The following RFX3 variants were observed in gnomAD, a reference collection of about 807,000 sequenced individuals.
RFX3 encodes regulatory factor X3, also known as transcription factor RFX3.
In RFX3, 14 loss-of-function variants were observed where a neutral mutation model predicts 98.6. That is an observed-to-expected ratio of 0.14 (90% CI 0.09 to 0.22). The LOEUF is 0.22. Ranked by LOEUF, RFX3 falls within the 10% of genes least tolerant of loss-of-function variation. RFX3 has a pLI of 1.00. For synonymous variants in RFX3, 383 were observed against 328.4 expected (o/e 1.17, Z -1.80); for missense variants, 639 against 926.9 (o/e 0.69, Z 4.03).
chr9:3,303,566 G>A (rs1243743213), intron 4 of RFX3, among the ~76,000 whole-genome samples: 1 of 151,608 alleles, frequency 6.6e-6, no homozygotes, highest in Non-Finnish European at 1.5e-5. Flanking sequence ...TAATTGCTGA[G>A]CAACACTAAA....
At chr9:3,315,162 A>ATT (rs1374628310) in intron 4 of RFX3, among the ~76,000 whole-genome samples, 1 of 152,214 alleles carries the variant, frequency 6.6e-6, no homozygotes, top group Non-Finnish European at 1.5e-5. Flanking sequence ...AACAGAAATT[A>ATT]TAACAAACTG....
chr9:3,428,647 A>T lies in RFX3; in HGVS notation c.-8-33051T>A, dbSNP rs1033875026. Among the ~76,000 whole-genome samples, 8 of 152,172 alleles carry T rather than the reference A, an allele frequency of 5.3e-5. No individual in the cohort carries two copies. In the East Asian group the frequency reaches 1.5e-3, roughly 29 times the overall value. Reference sequence around the variant, plus strand: ...CTGAATTCTCATTTCCCAATTTTTGAAGTTAGTCTGATCTCACTGCCACAC... The same window carrying T: ...CTGAATTCTCATTTCCCAATTTTTGTAGTTAGTCTGATCTCACTGCCACAC... On this transcript the variant is annotated intron_variant, in intron 1 of 16. Coordinates refer to ENST00000617270, the MANE Select transcript of RFX3 (RefSeq NM_001282116.2).
intron 1 of RFX3, among the ~76,000 whole-genome samples, chr9:3,413,196 T>C (rs1271029390): frequency 6.6e-6 from 1 of 151,956 alleles, no homozygotes; most frequent in African/African-American, 2.4e-5. Context: ...ATTTCCCAAA[T>C]AGAAACATCA....
intron 1 of RFX3, among the ~76,000 whole-genome samples, chr9:3,510,728 A>T (rs1817589129): frequency 6.6e-6 from 1 of 152,068 alleles, no homozygotes; most frequent in South Asian, 2.1e-4. Flanking sequence ...TATTTCTGAA[A>T]ATAACATGTA....
intron 1 of RFX3, chr9:3,490,179 T>C (rs542982442): frequency 1.6e-4 from 44 of 283,154 alleles, no homozygotes; most frequent in Non-Finnish European, 2.1e-4. Context: ...AAATTACTAT[T>C]GAAAAAATTC....
At chr9:3,453,818 T>C (rs1348333575) in intron 1 of RFX3, 1 of 151,850 alleles carries the variant, frequency 6.6e-6, no homozygotes, top group African/African-American at 2.4e-5. Flanking sequence ...ACAGTTGAAA[T>C]TGTCTTTGGC....
chr9:3,481,653 T>C (rs754662075), intron 1 of RFX3, among the ~76,000 whole-genome samples: 6 of 151,894 alleles, frequency 4.0e-5, no homozygotes, highest in Non-Finnish European at 7.4e-5. Context: ...AGGTGCATTA[T>C]GGATCACAAA....
At chr9:3,255,429 C>G (rs1821997078) in intron 14 of RFX3, among the ~76,000 whole-genome samples, 1 of 152,210 alleles carries the variant, frequency 6.6e-6, no homozygotes, top group Non-Finnish European at 1.5e-5. Context: ...GTAGCCACAG[C>G]TACAGTCAGG....
chr9:3,307,078 T>A (rs1291384840), intron 4 of RFX3, among the ~76,000 whole-genome samples: 1 of 152,238 alleles, frequency 6.6e-6, no homozygotes, highest in South Asian at 2.1e-4. Context: ...AGCTCTCTTT[T>A]TGCCTGCCAC....
intron 2 of RFX3, among the ~76,000 whole-genome samples, chr9:3,380,455 C>T (rs116750271): frequency 0.019 from 2,873 of 152,204 alleles, 67 homozygotes; most frequent in African/African-American, 0.048. Context: ...CATATCACAG[C>T]ACCAAACAGG....
intron 4 of RFX3, among the ~76,000 whole-genome samples, chr9:3,320,936 C>G (rs1831225921): frequency 6.6e-6 from 1 of 151,708 alleles, no homozygotes; most frequent in South Asian, 2.1e-4. Context: ...GACAGAGTCT[C>G]TGTTGCCTAG....
chr9:3,359,022 G>C (rs1158518139), intron 2 of RFX3, among the ~76,000 whole-genome samples: 1 of 151,588 alleles, frequency 6.6e-6, no homozygotes, highest in Non-Finnish European at 1.5e-5. Context: ...GATTTGAGTA[G>C]GGACACAGAG....
At chr9:3,301,922 T>A (rs1828708474) in intron 4 of RFX3, among the ~76,000 whole-genome samples, 1 of 151,902 alleles carries the variant, frequency 6.6e-6, no homozygotes, top group Non-Finnish European at 1.5e-5. Context: ...GAATAAACAT[T>A]CTTGACTTTC....
Position 3,301,591 on chromosome 9 carries a change from C to T in RFX3, c.504G>A (p.Lys168=), listed in dbSNP as rs187801770. 6.9e-6 allele frequency: 11 copies of T among 1,602,442 alleles called. No homozygotes were observed. The highest frequency in any genetic ancestry group is 1.7e-4 in the Middle Eastern group (1 of 5,994). Residue 168 remains lysine, a synonymous_variant, in exon 5 of 17, where the codon AAG becomes AAA. Transcript: ENST00000617270. ...TTCTGTGAGTGGACAGACCGTCAGA[C>T]TTTTGCAGCGTCTCAATCGCCATTT... ...TIEMAIETLQ[K]SDGLSTHRSS...
intron 2 of RFX3, among the ~76,000 whole-genome samples, chr9:3,386,078 G>C (rs2131785004): frequency 6.6e-6 from 1 of 152,222 alleles, no homozygotes; most frequent in African/African-American, 2.4e-5. Context: ...TAGAGTCTGA[G>C]CCTCCCTGAC....
At chr9:3,517,303 C>T (rs548739818) in intron 1 of RFX3, among the ~76,000 whole-genome samples, 20 of 152,246 alleles carry the variant, frequency 1.3e-4, no homozygotes, top group South Asian at 1.0e-3. Context: ...GAGTGAGAAC[C>T]TTTATTTTCT....
chr9:3,423,791 A>ATC (rs1033709813), intron 1 of RFX3, among the ~76,000 whole-genome samples: 29 of 124,466 alleles, frequency 2.3e-4, no homozygotes, highest in African/African-American at 1.2e-3. Flanking sequence ...ATATATATAT[A>ATC]TATATATATA....
intron 1 of RFX3, among the ~76,000 whole-genome samples, chr9:3,445,213 G>GTCTT (rs200914682): frequency 0.012 from 1,790 of 148,992 alleles, 30 homozygotes; most frequent in African/African-American, 0.041. Flanking sequence ...ATGTGTATTT[G>GTCTT]TCTGTTTGTA....
intron 1 of RFX3, among the ~76,000 whole-genome samples, chr9:3,429,626 A>G (rs1340514041): frequency 6.6e-6 from 1 of 151,954 alleles, no homozygotes; most frequent in Admixed American, 6.6e-5. Context: ...ATCCTAACCC[A>G]TTTCCGTCTT....
Sources: allele counts gnomAD v4.1 joint callset (sites outside exome capture counted in the v4.1 genomes callset), GRCh38; gene constraint gnomAD v4.1.1; transcripts MANE v1.5; gene names NCBI Gene and HGNC (gene_info 2026-07-23, HGNC 2026-07-21).